The following FAM135A variants were observed in gnomAD, a reference collection of about 807,000 sequenced individuals.
FAM135A encodes the protein protein FAM135A.
Under a neutral mutation model 146.8 loss-of-function variants are expected in FAM135A, and 79 were observed. That is an observed-to-expected ratio of 0.54 (90% CI 0.45 to 0.65). The LOEUF is 0.65. FAM135A is among the 30% of genes least tolerant of loss of function. The pLI, the probability that FAM135A is intolerant of heterozygous loss-of-function variation, is 0.00. For missense variants in FAM135A, 1,623 were observed against 1,758.2 expected (o/e 0.92, Z 1.38); for synonymous variants, 562 against 603.6 (o/e 0.93, Z 1.01).
At chr6:70,523,496 G>A (rs1794043833) in intron 13 of FAM135A, among the ~76,000 whole-genome samples, 1 of 152,008 alleles carries the variant, frequency 6.6e-6, no homozygotes, top group Non-Finnish European at 1.5e-5. Context: ...TTTTGTATTA[G>A]AAAATTATAC....
At chr6:70,531,573 G>A (rs956475662) in intron 16 of FAM135A, among the ~76,000 whole-genome samples, 3 of 152,146 alleles carry the variant, frequency 2.0e-5, no homozygotes, top group Admixed American at 2.0e-4. Flanking sequence ...TGTCTAAGAT[G>A]TCAGCTATTG....
intron 5 of FAM135A, among the ~76,000 whole-genome samples, chr6:70,458,836 CA>C (rs1215087741): frequency 6.6e-6 from 1 of 152,164 alleles, no homozygotes; most frequent in African/African-American, 2.4e-5. Flanking sequence ...CAACTTATTA[CA>C]ATCTTTGAGA....
chr6:70,525,410 C>G lies in FAM135A; in HGVS notation c.2326C>G (p.Pro776Ala), dbSNP rs1258511358. ...TTCAGATTCAGGTGTTGAAAGTGAA[C>G]CGAGTTCTTTTGCGACACATCCAAA... ...RFSDSGVESE[P>A]SSFATHPNTD... Residue 776 changes from proline to alanine, a missense_variant, in exon 15 of 22, where the codon CCG becomes GCG. By Grantham distance (27) the Pro-to-Ala change is conservative. Transcript: ENST00000418814. 2 of 1,613,540 alleles carry G rather than the reference C, an allele frequency of 1.2e-6. No homozygotes were observed. Among genetic ancestry groups the G allele is most frequent in the African/African-American group, 2.7e-5 (2 of 74,878 alleles).
At chr6:70,417,617 G>A (rs952515498) in intron 2 of FAM135A, 64 of 985,254 alleles carry the variant, frequency 6.5e-5, no homozygotes, top group Non-Finnish European at 7.5e-5. Flanking sequence ...TACCCTTGAA[G>A]TTGCCTATAG....
At chr6:70,492,832 A>G (rs553376167) in intron 11 of FAM135A, among the ~76,000 whole-genome samples, 25 of 152,104 alleles carry the variant, frequency 1.6e-4, no homozygotes, top group African/African-American at 6.0e-4. Context: ...ACTGAGCTTC[A>G]TTTTTTGTAA....
chr6:70,452,038 AC>A (rs1045494606), intron 4 of FAM135A, among the ~76,000 whole-genome samples: 24 of 152,086 alleles, frequency 1.6e-4, no homozygotes, highest in African/African-American at 5.1e-4. Flanking sequence ...GAAAAAAAAA[AC>A]AATTCTTTAA....
intron 8 of FAM135A, among the ~76,000 whole-genome samples, chr6:70,478,707 T>G (rs1470266428): frequency 2.0e-5 from 3 of 152,186 alleles, no homozygotes; most frequent in Admixed American, 2.0e-4. Flanking sequence ...TCCTGATGAC[T>G]TGTTTTGCCT....
intron 7 of FAM135A, among the ~76,000 whole-genome samples, chr6:70,476,147 G>A (rs1407181334): frequency 6.6e-6 from 1 of 152,154 alleles, no homozygotes; most frequent in Non-Finnish European, 1.5e-5. Flanking sequence ...GCACTTGACA[G>A]TTGTTCTAGT....
chr6:70,510,462 C>A (rs1242033530), intron 12 of FAM135A, among the ~76,000 whole-genome samples: 1 of 152,062 alleles, frequency 6.6e-6, no homozygotes, highest in African/African-American at 2.4e-5. Flanking sequence ...TGTCCCCTTT[C>A]CCCATTCCCT....
At chr6:70,491,650 G>A (rs1786000550) in intron 11 of FAM135A, among the ~76,000 whole-genome samples, 1 of 151,778 alleles carries the variant, frequency 6.6e-6, no homozygotes, top group African/African-American at 2.4e-5. Context: ...TATACTTTTG[G>A]ATATAAATTT....
intron 9 of FAM135A, among the ~76,000 whole-genome samples, chr6:70,481,437 C>T (rs1304695910): frequency 6.6e-6 from 1 of 152,008 alleles, no homozygotes; most frequent in Non-Finnish European, 1.5e-5. Context: ...TTGCTTGAGG[C>T]CAAGAGTTTG....
At chr6:70,496,918 G>A (rs566607961) in intron 11 of FAM135A, among the ~76,000 whole-genome samples, 17 of 152,054 alleles carry the variant, frequency 1.1e-4, no homozygotes, top group Admixed American at 1.3e-4. Context: ...GCCTTGCAGT[G>A]TAGTTTGAAG....
intron 4 of FAM135A, among the ~76,000 whole-genome samples, chr6:70,446,090 C>T (rs1775664221): frequency 6.6e-6 from 1 of 152,226 alleles, no homozygotes; most frequent in South Asian, 2.1e-4. Context: ...TCAAGCACTC[C>T]AGTTCCTGGC....
chr6:70,449,916 C>A (rs369384632), intron 4 of FAM135A, among the ~76,000 whole-genome samples: 1 of 152,128 alleles, frequency 6.6e-6, no homozygotes, highest in Non-Finnish European at 1.5e-5. Flanking sequence ...ACATCCTCAC[C>A]GACACTATCT....
At chr6:70,443,328 CT>C (rs758048312) in intron 4 of FAM135A, among the ~76,000 whole-genome samples, 3 of 152,162 alleles carry the variant, frequency 2.0e-5, no homozygotes, top group Non-Finnish European at 4.4e-5. Flanking sequence ...CTTTGGTAAC[CT>C]CCTAGTGCAA....
chr6:70,524,635 T>C lies in FAM135A; in HGVS notation c.1551T>C (p.Ser517=). The C allele has an allele frequency of 6.5e-7, 1 of 1,549,224 alleles. No homozygotes were observed. Among genetic ancestry groups the C allele is most frequent in the Non-Finnish European group, 8.7e-7 (1 of 1,146,300 alleles). Residue 517 remains serine (S), a synonymous_variant, in exon 15 of 22, where the codon TCT becomes TCC. Coordinates refer to ENST00000418814, the MANE Select transcript of FAM135A (RefSeq NM_001162529.3). ...TAATAAAACAGAACTCTAAGGATTC[T>C]GTGGTTTTGGTAGGCTACAAATGTT... ...KKLIKQNSKD[S]VVLVGYKCLK...
chr6:70,483,501 G>A (rs921471418), intron 10 of FAM135A, among the ~76,000 whole-genome samples: 1 of 152,044 alleles, frequency 6.6e-6, no homozygotes, highest in African/African-American at 2.4e-5. Flanking sequence ...TTTCCCTTAG[G>A]AAAATTCTAT....
chr6:70,552,502 T>C (rs1246106632), intron 20 of FAM135A, among the ~76,000 whole-genome samples: 1 of 143,812 alleles, frequency 7.0e-6, no homozygotes, highest in Non-Finnish European at 1.5e-5. Context: ...GGAGGCTTGC[T>C]CTGTTGCTCA....
At chr6:70,427,533 C>CAAA (rs55796657) in intron 3 of FAM135A, among the ~76,000 whole-genome samples, 1 of 85,518 alleles carries the variant, frequency 1.2e-5, no homozygotes, top group African/African-American at 3.8e-5. Flanking sequence ...CTCTGTCTCA[C>CAAA]AAAAAAAAAA....
Sources: allele counts gnomAD v4.1 joint callset (sites outside exome capture counted in the v4.1 genomes callset), GRCh38; gene constraint gnomAD v4.1.1; transcripts MANE v1.5; gene names NCBI Gene and HGNC (gene_info 2026-07-23, HGNC 2026-07-21).